The following NLRC5 variants were observed in gnomAD, a reference collection of about 807,000 sequenced individuals.
NLRC5 encodes the protein NLR family CARD domain containing 5.
In NLRC5, 114 loss-of-function variants were observed where a neutral mutation model predicts 206.9. That is an observed-to-expected ratio of 0.55 (90% CI 0.47 to 0.64). NLRC5 has a LOEUF of 0.64. NLRC5 is among the 30% of genes least tolerant of loss of function. NLRC5 has a pLI of 0.00. For missense variants in NLRC5, 2,008 were observed against 2,305.5 expected (o/e 0.87, Z 2.64); for synonymous variants, 952 against 962.8 (o/e 0.99, Z 0.21).
chr16:57,027,041 C>T lies in NLRC5; in HGVS notation c.2075+23C>T, dbSNP rs760889033. On this transcript the variant is annotated intron_variant, in intron 6 of 48. Transcript: ENST00000688547. ...CAGGTGAGTAAGAGTGGAGGAGGAC[C>T]GGGGAGGGGATTGGGCTTTTGGGGG... 42 of 1,600,616 alleles carry T rather than the reference C, an allele frequency of 2.6e-5. No individual in the cohort carries two copies. In the Admixed American group the frequency reaches 2.7e-4, roughly 10 times the overall value.
intron 13 of NLRC5, 61 bp downstream of exon 13, chr16:57,034,312 G>A: frequency 7.4e-7 from 1 of 1,358,352 alleles, no homozygotes; most frequent in Non-Finnish European, 1.0e-6. Flanking sequence ...AGGGTGGGCA[G>A]GGCCTCGCCT....
rs141689188 is a variant in NLRC5, at chr16:57,003,047, G to GTGTTTGTTTGTTTGTTTGTT, written c.-128+13441_-128+13460dup. Among the ~76,000 whole-genome samples, 149 of 150,152 alleles carry GTGTTTGTTTGTTTGTTTGTT rather than the reference G, an allele frequency of 9.9e-4. 2 individuals carry two copies. The highest frequency in any genetic ancestry group is 3.2e-3 in the African/African-American group (132 of 40,886). Reference sequence around the variant, plus strand: ...CTCCCTTTTCTCCACATAGATTGAGGTGTTTGTTTGTTTGTTTGTTTGTTT... The same window carrying GTGTTTGTTTGTTTGTTTGTT: ...CTCCCTTTTCTCCACATAGATTGAGGTGTTTGTTTGTTTGTTTGTTTGTTTGTTTGTTTGTTTGTTTGTTT... On this transcript the variant is annotated intron_variant, in intron 1 of 48. Coordinates refer to ENST00000688547, the MANE Select transcript of NLRC5 (RefSeq NM_001384950.1).
chr16:57,057,183 G>A (rs2065785427), intron 27 of NLRC5, among the ~76,000 whole-genome samples: 4 of 152,156 alleles, frequency 2.6e-5, no homozygotes, highest in Admixed American at 2.6e-4. Flanking sequence ...CACTTTGGGA[G>A]GCCAAAGCGG....
At chr16:57,051,709 C>T (rs2064933542) in intron 24 of NLRC5, 88 bp downstream of exon 24, 1 of 979,430 alleles carries the variant, frequency 1.0e-6, no homozygotes, top group Non-Finnish European at 1.6e-6. Context: ...GCCCTCTAAC[C>T]CCTCAACCCC....
rs1168189948 is a variant in NLRC5 at position 57,040,863 on chromosome 16, C to T, written c.2939+145C>T. The T allele has an allele frequency of 6.5e-6, 5 of 768,636 alleles. No individual in the cohort carries two copies. The Admixed American group carries it at 9.5e-5, about 15-fold the overall frequency. The allele number at this position is 768,636 out of a possible 1,614,324, so 47.6% of individuals were successfully genotyped here. A position where few individuals can be genotyped will look rare whatever the true frequency, so the allele number is the denominator to read the frequency against. ...GTGTCCAGGGGTCATGGCCTGGCTTCCCTACCTCCTACCTCCCCTGCCCAG... is the reference window on the plus strand; with the variant it reads ...GTGTCCAGGGGTCATGGCCTGGCTTTCCTACCTCCTACCTCCCCTGCCCAG... On this transcript the variant is annotated intron_variant, in intron 17 of 48. Coordinates refer to ENST00000688547, the MANE Select transcript of NLRC5 (RefSeq NM_001384950.1).
rs2063834636 is a variant in NLRC5 at position 57,045,557 on chromosome 16, C to G, written c.3248+65C>G. The stretch of plus-strand genomic sequence containing the variant: ...CTCTGGTCCCCGTCTGTTGGAGGTC[C>G]CCCCACCCCCAGACCCATGCTGACC... On this transcript the variant is annotated intron_variant, in intron 21 of 48. Coordinates refer to ENST00000688547, the MANE Select transcript of NLRC5 (RefSeq NM_001384950.1). The G allele has an allele frequency of 2.0e-6, 3 of 1,508,546 alleles. No homozygotes were observed. In the East Asian group the frequency reaches 6.8e-5, roughly 34 times the overall value. 93.4% of individuals were successfully genotyped at this position (1,508,546 alleles called of 1,614,324 possible).
chr16:56,997,781 A>T (rs1024098586), intron 1 of NLRC5, among the ~76,000 whole-genome samples: 1 of 151,968 alleles, frequency 6.6e-6, no homozygotes, highest in African/African-American at 2.4e-5. Flanking sequence ...GGGTTTCTCC[A>T]TGTTGCCCAG....
At chr16:56,996,745 T>C (rs1009399611) in intron 1 of NLRC5, among the ~76,000 whole-genome samples, 9 of 152,226 alleles carry the variant, frequency 5.9e-5, no homozygotes, top group African/African-American at 2.2e-4. Flanking sequence ...GTTATGTTCG[T>C]AAACAGGAAA....
intron 1 of NLRC5, chr16:57,014,234 C>T (rs1407937052): frequency 1.9e-5 from 3 of 158,704 alleles, no homozygotes; most frequent in African/African-American, 7.2e-5. Context: ...CTTATTTCCC[C>T]CCTTTTTTCT....
At chr16:57,021,882 A>G (rs1225340347) in intron 3 of NLRC5, among the ~76,000 whole-genome samples, 3 of 152,106 alleles carry the variant, frequency 2.0e-5, no homozygotes, top group African/African-American at 7.2e-5. Context: ...GAGTGTGGGA[A>G]TTGCGGGGGG....
chr16:57,077,595 G>A (rs1644427376), intron 41 of NLRC5, 124 bp from the exon 42 acceptor site: 1 of 1,026,678 alleles, frequency 9.7e-7, no homozygotes, highest in Non-Finnish European at 1.4e-6. Context: ...TGTCTGGGTA[G>A]GTGTGTGGTG....
At chr16:57,007,185 G>C (rs57738835) in intron 1 of NLRC5, among the ~76,000 whole-genome samples, 2 of 152,080 alleles carry the variant, frequency 1.3e-5, no homozygotes, top group African/African-American at 4.8e-5. Flanking sequence ...CAAGCCTGTC[G>C]TCAGTTTCCT....
chr16:57,060,069 A>T (rs1272179120), intron 30 of NLRC5, among the ~76,000 whole-genome samples: 1 of 150,242 alleles, frequency 6.7e-6, no homozygotes, highest in Non-Finnish European at 1.5e-5. Flanking sequence ...CATTATCATT[A>T]CCCCTGGTAG....
intron 38 of NLRC5, among the ~76,000 whole-genome samples, chr16:57,072,331 C>T (rs2067885050): frequency 6.6e-6 from 1 of 152,162 alleles, no homozygotes; most frequent in South Asian, 2.1e-4. Context: ...GTCACCTGCC[C>T]CACCCTAAAG....
chr16:57,068,143 C>T (rs2067257990), intron 36 of NLRC5, among the ~76,000 whole-genome samples: 1 of 152,164 alleles, frequency 6.6e-6, no homozygotes. Context: ...CAAATTCACC[C>T]TTAGAGCTGG....
Position 57,020,990 on chromosome 16 carries a change from C to T in NLRC5, c.278C>T (p.Thr93Ile), listed in dbSNP as rs147394286. The stretch of plus-strand genomic sequence containing the variant: ...GACCTGGAGGTGCTGCTGCTGAGTA[C>T]TTTTGGCTATGATGATGGTAAGGGC... ...PLDLEVLLLS[T>I]FGYDDGFTSQ... The change falls in exon 3 of 49, where the codon ACT becomes ATT. Residue 93 changes from threonine to isoleucine, a missense_variant. Physicochemically the swap from Thr to Ile is moderately conservative, Grantham distance 89. Coordinates refer to ENST00000688547, the MANE Select transcript of NLRC5 (RefSeq NM_001384950.1). 14 of 1,613,468 alleles carry T rather than the reference C, an allele frequency of 8.7e-6. No homozygotes were observed. The highest frequency in any genetic ancestry group is 7.6e-6 in the Non-Finnish European group (9 of 1,179,618).
intron 23 of NLRC5, among the ~76,000 whole-genome samples, chr16:57,049,126 T>G (rs2064450828): frequency 1.3e-5 from 2 of 151,322 alleles, no homozygotes; most frequent in Admixed American, 6.6e-5. Flanking sequence ...AAAACAAAAC[T>G]CCAAAGAAAA....
intron 32 of NLRC5, among the ~76,000 whole-genome samples, chr16:57,064,540 T>C (rs568358013): frequency 1.4e-4 from 21 of 152,258 alleles, no homozygotes; most frequent in Non-Finnish European, 2.6e-4. Flanking sequence ...CTTTCCTTTT[T>C]TTGAAATGCA....
chr16:57,042,847 C>G (rs1364923699), intron 19 of NLRC5, among the ~76,000 whole-genome samples: 3 of 152,224 alleles, frequency 2.0e-5, no homozygotes, highest in African/African-American at 7.2e-5. Flanking sequence ...TGCTCACACC[C>G]TGTTTTTGTG....
Sources: allele counts gnomAD v4.1 joint callset (sites outside exome capture counted in the v4.1 genomes callset), GRCh38; gene constraint gnomAD v4.1.1; transcripts MANE v1.5; gene names NCBI Gene and HGNC (gene_info 2026-07-23, HGNC 2026-07-21).